G3BP2: variants seen among roughly 807,000 people sequenced by gnomAD.
G3BP2 encodes ras GTPase-activating protein-binding protein 2.
G3BP2 carries 11 observed loss-of-function variants against 56.7 expected under a neutral mutation model. The ratio of observed to expected loss-of-function variants is 0.19; its 90% confidence interval spans 0.12 to 0.32. The LOEUF is 0.32. Ranked by LOEUF, G3BP2 falls within the 10% of genes least tolerant of loss-of-function variation. G3BP2 has a pLI of 1.00. For synonymous variants in G3BP2, 165 were observed against 191.6 expected (o/e 0.86, Z 1.15); for missense variants, 340 against 610.9 (o/e 0.56, Z 4.67).
At chr4:75,686,520 T>C (rs1718610227) in intron 3 of G3BP2, among the ~76,000 whole-genome samples, 1 of 129,864 alleles carries the variant, frequency 7.7e-6, no homozygotes, top group Non-Finnish European at 1.6e-5. Flanking sequence ...GTGGTTGACA[T>C]AGCTGTCCTG....
chr4:75,690,746 T>C (rs1718821987), intron 3 of G3BP2, among the ~76,000 whole-genome samples: 1 of 152,022 alleles, frequency 6.6e-6, no homozygotes, highest in Non-Finnish European at 1.5e-5. Context: ...AAATTTTTTG[T>C]AGAGACAGGG....
rs1730949778 is a variant in G3BP2 at position 75,642,908 on chromosome 4, T to C, written c.*2522A>G. 6.6e-6 allele frequency: 1 copy of C among 152,576 alleles called. No individual in the cohort carries two copies. Among genetic ancestry groups the C allele is most frequent in the Admixed American group, 6.5e-5 (1 of 15,276 alleles). The allele number at this position is 152,576 out of a possible 1,614,324, so 9.5% of individuals were successfully genotyped here. Reference sequence around the variant, plus strand: ...CTACTAGCATATAATGCTTAACACATTACAGCAATAAAGATGGTAATCCAT... The same window carrying C: ...CTACTAGCATATAATGCTTAACACACTACAGCAATAAAGATGGTAATCCAT... On this transcript the variant is annotated 3_prime_UTR_variant, in exon 12 of 12. Transcript: ENST00000359707.
intron 3 of G3BP2, among the ~76,000 whole-genome samples, chr4:75,701,134 C>T (rs529433288): frequency 2.0e-5 from 3 of 152,092 alleles, no homozygotes; most frequent in East Asian, 1.9e-4. Context: ...TGAGCCACCA[C>T]GCCCAGCCAG....
At chr4:75,649,019 GAAA>G in intron 8 of G3BP2, 2 of 226,440 alleles carry the variant, frequency 8.8e-6, no homozygotes, top group Non-Finnish European at 1.7e-5. Context: ...TATCAACACT[GAAA>G]TAGCATAAAA....
intron 3 of G3BP2, among the ~76,000 whole-genome samples, chr4:75,714,725 T>G (rs1719873040): frequency 6.6e-6 from 1 of 152,218 alleles, no homozygotes; most frequent in Non-Finnish European, 1.5e-5. Flanking sequence ...TATAAAAAGT[T>G]AAAAGGGTAG....
At chr4:75,647,278 GCTT>G in intron 9 of G3BP2, 121 bp from the exon 10 acceptor site, 1 of 628,132 alleles carries the variant, frequency 1.6e-6, no homozygotes, top group Non-Finnish European at 2.6e-6. Context: ...GACTAGGTGA[GCTT>G]CTTGAAAAAG....
intron 1 of G3BP2, among the ~76,000 whole-genome samples, chr4:75,663,701 A>T (rs1040951884): frequency 6.6e-6 from 1 of 151,778 alleles, no homozygotes; most frequent in Non-Finnish European, 1.5e-5. Flanking sequence ...CTCTACTAAA[A>T]ATAAAAAAAT....
At chr4:75,678,596 C>T (rs747860214) in intron 3 of G3BP2, among the ~76,000 whole-genome samples, 3 of 152,182 alleles carry the variant, frequency 2.0e-5, no homozygotes, top group Non-Finnish European at 4.4e-5. Flanking sequence ...AGGAGGATCA[C>T]TTGAACCCAG....
At chr4:75,667,203 T>C (rs1733110149) in intron 1 of G3BP2, among the ~76,000 whole-genome samples, 1 of 150,520 alleles carries the variant, frequency 6.6e-6, no homozygotes, top group Admixed American at 6.7e-5. Flanking sequence ...GTGGGAGGAA[T>C]GCCTGAGCCC....
At chr4:75,684,045 G>T (rs1357717706) in intron 3 of G3BP2, among the ~76,000 whole-genome samples, 1 of 151,112 alleles carries the variant, frequency 6.6e-6, no homozygotes, top group Admixed American at 6.6e-5. Context: ...GGAATAATAA[G>T]AAGGTTATTA....
chr4:75,682,709 C>T lies in G3BP2; in HGVS notation c.-24-20660G>A, dbSNP rs916485639. Among the ~76,000 whole-genome samples the T allele has an allele frequency of 1.3e-5, 2 of 152,048 alleles. 1 individual carries two copies. Among genetic ancestry groups the T allele is most frequent in the African/African-American group, 4.8e-5 (2 of 41,488 alleles). On this transcript the variant is annotated intron_variant, in intron 3 of 3. Transcript: ENST00000499709. ...AGAAATCATGCAGCTGGGCTGGGCA[C>T]GGTTGCTCATGCCTGTAATCCCAGC...
chr4:75,672,052 G>A (rs899245840), intron 1 of G3BP2, among the ~76,000 whole-genome samples: 2 of 152,130 alleles, frequency 1.3e-5, no homozygotes, highest in African/African-American at 4.8e-5. Flanking sequence ...CCAGAACAAG[G>A]TACAGAGCCT....
intron 3 of G3BP2, 66 bp downstream of exon 3, chr4:75,658,777 A>C (rs1450300912): frequency 8.4e-6 from 8 of 950,414 alleles, no homozygotes; most frequent in South Asian, 5.3e-5. Flanking sequence ...GGACACAAGA[A>C]GGCTATTTTT....
chr4:75,715,006 G>A (rs1719882451), intron 3 of G3BP2, among the ~76,000 whole-genome samples: 1 of 152,174 alleles, frequency 6.6e-6, no homozygotes, highest in Non-Finnish European at 1.5e-5. Context: ...AATTGATACA[G>A]CAAAATTAAA....
chr4:75,676,336 ATT>A (rs34017434), upstream of G3BP2, among the ~76,000 whole-genome samples: 619 of 92,062 alleles, frequency 6.7e-3, 1 homozygote, highest in Middle Eastern at 0.021. Flanking sequence ...ATTGCCAATA[ATT>A]TTTTTTTTTT....
At chr4:75,689,203 C>T (rs746417509) in intron 3 of G3BP2, among the ~76,000 whole-genome samples, 1 of 152,086 alleles carries the variant, frequency 6.6e-6, no homozygotes, top group Non-Finnish European at 1.5e-5. Flanking sequence ...ATGGCAAAAC[C>T]CCGTCTCTAC....
rs34007469 is a variant in G3BP2, at chr4:75,720,501, CA to C, written c.-25+375del. On this transcript the variant is annotated intron_variant, in intron 3 of 3. Transcript: ENST00000499709. ...TGGGCAACAGAGCGAGACTCCGTCT[CA>C]AAAAAAAAAAAAAAAATATTTTGAG... Among the ~76,000 whole-genome samples, 621 of 115,710 alleles carry C rather than the reference CA, an allele frequency of 5.4e-3. 2 individuals are homozygous for C. Among genetic ancestry groups the C allele is most frequent in the African/African-American group, 8.9e-3 (294 of 33,140 alleles). 75.9% of individuals were successfully genotyped at this position (115,710 alleles called of 152,430 possible).
intron 3 of G3BP2, among the ~76,000 whole-genome samples, chr4:75,720,744 C>T (rs1399554981): frequency 2.1e-5 from 3 of 144,132 alleles, no homozygotes; most frequent in East Asian, 2.1e-4. Flanking sequence ...TGCAGTGAGC[C>T]GAGATCGCGC....
upstream of G3BP2, chr4:75,673,415 C>A (rs1418233546): frequency 2.8e-5 from 35 of 1,232,148 alleles, no homozygotes; most frequent in Admixed American, 4.2e-5. Flanking sequence ...ACGGACGTCC[C>A]GCCCCCTTTG....
Sources: allele counts gnomAD v4.1 joint callset (sites outside exome capture counted in the v4.1 genomes callset), GRCh38; gene constraint gnomAD v4.1.1; transcripts MANE v1.5; gene names NCBI Gene and HGNC (gene_info 2026-07-23, HGNC 2026-07-21).